The following SGCD variants were observed in gnomAD, a reference collection of about 807,000 sequenced individuals.
SGCD encodes the protein delta-sarcoglycan.
Under a neutral mutation model 36.6 loss-of-function variants are expected in SGCD, and 18 were observed. The ratio of observed to expected loss-of-function variants is 0.49; its 90% CI spans 0.34 to 0.73. The LOEUF (loss-of-function observed/expected upper bound fraction) is 0.73. Among genes scored for constraint, SGCD ranks in the 30% least tolerant of loss-of-function variants. The pLI is 0.01. For missense variants in SGCD, 387 were observed against 346.7 expected (o/e 1.12, Z -0.92); for synonymous variants, 133 against 130.6 (o/e 1.02, Z -0.12).
intron 3 of SGCD, among the ~76,000 whole-genome samples, chr5:156,252,086 G>A (rs1198558004): frequency 2.0e-5 from 3 of 147,228 alleles, no homozygotes; most frequent in African/African-American, 5.1e-5. Flanking sequence ...TTTTTTTTGA[G>A]ACGGAGTTTC....
chr5:155,930,085 ATATGTCTTCCC>A (rs1171663897), intron 1 of SGCD, among the ~76,000 whole-genome samples: 2 of 152,168 alleles, frequency 1.3e-5, no homozygotes, highest in Non-Finnish European at 2.9e-5. Context: ...TATGTGATAC[ATATGTCTTCCC>A]TATGCCCTTT....
At chr5:156,341,420 A>AT (rs1561631276) in intron 2 of SGCD, among the ~76,000 whole-genome samples, 1 of 152,082 alleles carries the variant, frequency 6.6e-6, no homozygotes. Flanking sequence ...AGTGAAAGCC[A>AT]TTTTTTAGAT....
intron 1 of SGCD, among the ~76,000 whole-genome samples, chr5:156,098,501 C>T (rs1304160834): frequency 6.6e-6 from 1 of 152,048 alleles, no homozygotes; most frequent in Non-Finnish European, 1.5e-5. Context: ...TTCTATCTCT[C>T]TTTCATAATA....
chr5:156,439,290 T>A (rs1236060164), intron 3 of SGCD, among the ~76,000 whole-genome samples: 1 of 152,148 alleles, frequency 6.6e-6, no homozygotes, highest in Non-Finnish European at 1.5e-5. Flanking sequence ...GTGAAAGAGC[T>A]GAGGAGTGTC....
the SGCD span, among the ~76,000 whole-genome samples, chr5:155,829,426 C>A: frequency 6.6e-6 from 1 of 152,248 alleles, no homozygotes; most frequent in South Asian, 2.1e-4. Context: ...ATAGCTGATT[C>A]CTGTAAGATG....
At chr5:156,583,765 A>G (rs1051261011) in intron 4 of SGCD, among the ~76,000 whole-genome samples, 1 of 152,226 alleles carries the variant, frequency 6.6e-6, no homozygotes, top group Non-Finnish European at 1.5e-5. Context: ...TAAATAGACA[A>G]TAAGACAGCC....
intron 3 of SGCD, among the ~76,000 whole-genome samples, chr5:156,234,267 T>C (rs963925797): frequency 2.0e-5 from 3 of 152,230 alleles, no homozygotes; most frequent in East Asian, 1.9e-4. Context: ...GTTCTTTGTA[T>C]ATGTTGGATA....
intron 1 of SGCD, among the ~76,000 whole-genome samples, chr5:155,947,135 C>T (rs934873339): frequency 6.6e-6 from 1 of 152,084 alleles, no homozygotes; most frequent in African/African-American, 2.4e-5. Context: ...GATAGATGGG[C>T]AAATGTCTTC....
At chr5:156,574,930 G>A (rs1324426915) in intron 4 of SGCD, among the ~76,000 whole-genome samples, 1 of 152,152 alleles carries the variant, frequency 6.6e-6, no homozygotes, top group African/African-American at 2.4e-5. Context: ...CACTGATGGA[G>A]GGAGGAAAAA....
At chr5:156,197,365 C>T (rs550667760) in intron 3 of SGCD, among the ~76,000 whole-genome samples, 1 of 152,146 alleles carries the variant, frequency 6.6e-6, no homozygotes, top group East Asian at 1.9e-4. Context: ...TATTTCTCAC[C>T]TAATTCATAG....
At chr5:156,450,717 A>G (rs1753970936) in intron 3 of SGCD, among the ~76,000 whole-genome samples, 1 of 152,128 alleles carries the variant, frequency 6.6e-6, no homozygotes, top group South Asian at 2.1e-4. Flanking sequence ...AAATCATAAT[A>G]AATATTGTGT....
intron 7 of SGCD, among the ~76,000 whole-genome samples, chr5:156,714,310 T>A (rs1022697554): frequency 6.6e-6 from 1 of 152,224 alleles, no homozygotes; most frequent in Non-Finnish European, 1.5e-5. Flanking sequence ...TGCACTTTTG[T>A]CCTTTGATTT....
chr5:156,708,793 G>A (rs1478869438), intron 7 of SGCD, among the ~76,000 whole-genome samples: 1 of 152,128 alleles, frequency 6.6e-6, no homozygotes, highest in African/African-American at 2.4e-5. Context: ...ACCCCAAAGA[G>A]ACAGTCAGAT....
At chr5:155,889,136 A>G (rs1580973123) in intron 1 of SGCD, among the ~76,000 whole-genome samples, 4 of 152,346 alleles carry the variant, frequency 2.6e-5, no homozygotes, top group Middle Eastern at 6.8e-3. Flanking sequence ...CAAAGAGCAT[A>G]TCTCAAACAT....
chr5:156,022,705 T>C (rs1484820456), intron 1 of SGCD, among the ~76,000 whole-genome samples: 2 of 152,258 alleles, frequency 1.3e-5, no homozygotes, highest in East Asian at 3.8e-4. Flanking sequence ...AGTTACTTTC[T>C]ATTAAATATT....
At chr5:155,800,972 A>C in the SGCD span, among the ~76,000 whole-genome samples, 8 of 152,148 alleles carry the variant, frequency 5.3e-5, no homozygotes, top group African/African-American at 1.9e-4. Flanking sequence ...TTCTTGGTTC[A>C]ATCATTTAAG....
At chr5:156,608,150 A>G (rs1761578627) in intron 6 of SGCD, among the ~76,000 whole-genome samples, 1 of 152,136 alleles carries the variant, frequency 6.6e-6, no homozygotes, top group African/African-American at 2.4e-5. Flanking sequence ...TGTCAATTTT[A>G]GATCTTTCCT....
chr5:155,993,491 G>A (rs1581031873), intron 1 of SGCD, among the ~76,000 whole-genome samples: 1 of 151,740 alleles, frequency 6.6e-6, no homozygotes, highest in Non-Finnish European at 1.5e-5. Context: ...ATTAAAGGCA[G>A]CACCACCACA....
chr5:155,760,236 A>G, the SGCD span, among the ~76,000 whole-genome samples: 1 of 148,682 alleles, frequency 6.7e-6, no homozygotes, highest in Non-Finnish European at 1.5e-5. Flanking sequence ...CCTGTCCATC[A>G]TCATCTCCAT....
Sources: gnomAD v4.1 joint callset for allele counts (sites outside exome capture counted in the v4.1 genomes callset) on GRCh38, gnomAD v4.1.1 for gene constraint, MANE v1.5 for transcripts, NCBI Gene and HGNC (gene_info 2026-07-23, HGNC 2026-07-21) for gene names.